The following COL24A1 variants were observed in gnomAD, a reference collection of about 807,000 sequenced individuals.
COL24A1 encodes the protein collagen alpha-1(XXIV) chain.
In COL24A1, 224 loss-of-function variants were observed where a neutral mutation model predicts 253.9. The ratio of observed to expected loss-of-function variants is 0.88; its 90% confidence interval spans 0.79 to 0.99. The LOEUF (loss-of-function observed/expected upper bound fraction) is 0.99, where lower values mean the gene tolerates loss of function less well. Ranked by LOEUF, COL24A1 falls within the 50% of genes least tolerant of loss-of-function variation. The probability of loss-of-function intolerance (pLI) is 0.00; values close to 1 mark genes in which losing one functional copy is unlikely to be tolerated. For missense variants in COL24A1, 2,131 were observed against 2,068.5 expected (o/e 1.03, Z -0.59); for synonymous variants, 685 against 673.7 (o/e 1.02, Z -0.26).
chr1:86,092,134 A>G, intron 6 of COL24A1, 133 bp downstream of exon 6: 2 of 661,628 alleles, frequency 3.0e-6, no homozygotes. Context: ...TTCTTCCTTC[A>G]TTAAAATCCA....
intron 43 of COL24A1, among the ~76,000 whole-genome samples, chr1:85,836,895 C>G (rs764031061): frequency 6.6e-6 from 1 of 152,218 alleles, no homozygotes; most frequent in Non-Finnish European, 1.5e-5. Flanking sequence ...CAGGGCTTTT[C>G]TTTGGCTAGC....
In COL24A1 at chr1:85,874,600, C is replaced by G. The variant is rs1680919005; in HGVS notation, c.3138+49G>C. The stretch of plus-strand genomic sequence containing the variant: ...GTTTCGAATAATAAGTTTTGAGCCT[C>G]TGAAAGAAGTGGGTTAGTGTATTAA... On this transcript the variant is annotated intron_variant, in intron 35 of 59. Transcript: ENST00000370571. 2.6e-6 allele frequency: 4 copies of G among 1,539,578 alleles called. No individual in the cohort carries two copies. In the East Asian group the frequency reaches 9.0e-5, roughly 35 times the overall value.
At chr1:85,890,120 T>C (rs1422866901) in intron 31 of COL24A1, among the ~76,000 whole-genome samples, 1 of 152,210 alleles carries the variant, frequency 6.6e-6, no homozygotes, top group Admixed American at 6.5e-5. Flanking sequence ...TGTATGCATA[T>C]TCCACATTTT....
At chr1:85,934,432 T>C (rs1481555950) in intron 24 of COL24A1, among the ~76,000 whole-genome samples, 1 of 152,230 alleles carries the variant, frequency 6.6e-6, no homozygotes, top group Non-Finnish European at 1.5e-5. Context: ...GTTTCTTGCA[T>C]GTATTTTTAA....
At chr1:85,760,071 T>G (rs11161670) in intron 55 of COL24A1, among the ~76,000 whole-genome samples, 135,750 of 149,818 alleles carry the variant, frequency 0.91, 62,158 homozygotes, top group Non-Finnish European at 0.97. Flanking sequence ...TTTTTTTTTT[T>G]TTTGTTTGTT....
At chr1:86,012,521 G>A (rs983661822) in intron 19 of COL24A1, among the ~76,000 whole-genome samples, 11 of 152,120 alleles carry the variant, frequency 7.2e-5, no homozygotes, top group South Asian at 6.2e-4. Flanking sequence ...CCCAGGAGGC[G>A]GAGGTTGCAG....
At chr1:85,945,091 C>CACTG (rs1212920503) in intron 24 of COL24A1, among the ~76,000 whole-genome samples, 27 of 129,640 alleles carry the variant, frequency 2.1e-4, no homozygotes, top group Non-Finnish European at 3.9e-4. Flanking sequence ...AATCTCGGCT[C>CACTG]ACTGCAACCT....
chr1:85,800,762 C>T (rs1382333290), intron 47 of COL24A1, among the ~76,000 whole-genome samples: 1 of 152,180 alleles, frequency 6.6e-6, no homozygotes, highest in Non-Finnish European at 1.5e-5. Flanking sequence ...CTGTGTATCA[C>T]TAAATCCCCA....
rs114114907 is a variant in COL24A1 at position 85,787,022 on chromosome 1, A to G, written c.3952-561T>C. Among the ~76,000 whole-genome samples the G allele has an allele frequency of 7.2e-3, 1,087 of 151,822 alleles. 9 individuals are homozygous for G. Among genetic ancestry groups the G allele is most frequent in the African/African-American group, 0.026 (1,054 of 41,310 alleles). On this transcript the variant is annotated intron_variant, in intron 47 of 59. Coordinates refer to ENST00000370571, the MANE Select transcript of COL24A1 (RefSeq NM_152890.7). ...TTTGTAGATCTCATGAACTAAGAAC[A>G]GTTTTTACATTTTTAAACATTGAAA...
chr1:86,147,794 G>C (rs948906389), intron 1 of COL24A1, among the ~76,000 whole-genome samples: 1 of 152,222 alleles, frequency 6.6e-6, no homozygotes, highest in African/African-American at 2.4e-5. Context: ...CATCTAAATT[G>C]ATTTTACTTT....
rs775432755 is a variant in COL24A1 at position 85,792,519 on chromosome 1, T to C, written c.3952-6058A>G. On this transcript the variant is annotated intron_variant, in intron 47 of 59. Transcript: ENST00000370571. ...GTCTGGGTGACACAGTGAAACCCCA[T>C]CTCTAAAAAAAAAAAAAAAAAGAAA... Among the ~76,000 whole-genome samples, 300 of 79,124 alleles carry C rather than the reference T, an allele frequency of 3.8e-3. 2 individuals are homozygous for C. The highest frequency in any genetic ancestry group is 6.6e-3 in the Middle Eastern group (1 of 152). The allele number at this position is 79,124 out of a possible 152,430, so 51.9% of individuals were successfully genotyped here.
chr1:85,945,002 GTTTTTT>G (rs1165341082), intron 24 of COL24A1, among the ~76,000 whole-genome samples: 1 of 35,366 alleles, frequency 2.8e-5, no homozygotes, highest in African/African-American at 1.2e-4. Flanking sequence ...CTATCATTGT[GTTTTTT>G]TTTTTTTTTT....
At position 86,125,422 on chromosome 1, in the gene COL24A1, T is replaced by C. The variant is rs200901529; in HGVS notation, c.914A>G (p.Gln305Arg). The C allele has an allele frequency of 4.2e-4, 670 of 1,613,650 alleles. No homozygotes were observed. The highest frequency in any genetic ancestry group is 5.3e-4 in the Admixed American group (32 of 59,888). Residue 305 changes from glutamine (Q) to arginine (R), a missense_variant, in exon 3 of 60, where the codon CAA (glutamine) becomes CGA (arginine). Coordinates refer to ENST00000370571, the MANE Select transcript of COL24A1 (RefSeq NM_152890.7). ...KNDSETVYKR[Q>R]EHQISRSQLS... ...CTGAGATCTTGATATCTGGTGTTCT[T>C]GTCTTTTATACACGGTTTCAGAATC...
chr1:86,117,074 TGAAAAA>T lies in COL24A1; in HGVS notation c.1492-1702_1492-1697del, dbSNP rs567455109. 2.8e-3 allele frequency among the ~76,000 whole-genome samples: 420 copies of T among 152,296 alleles called. 1 individual carries two copies. Among genetic ancestry groups the T allele is most frequent in the African/African-American group, 9.6e-3 (399 of 41,578 alleles). On this transcript the variant is annotated intron_variant, in intron 3 of 59. Coordinates refer to ENST00000370571, the MANE Select transcript of COL24A1 (RefSeq NM_152890.7). ...CCAGTAGGAGAAATCGCAACTAAAA[TGAAAAA>T]GAAAATGAAAAGTTTTCTTTAAAAA...
At chr1:85,943,070 TGGAGAGAA>T (rs1688906209) in intron 24 of COL24A1, among the ~76,000 whole-genome samples, 1 of 152,198 alleles carries the variant, frequency 6.6e-6, no homozygotes, top group African/African-American at 2.4e-5. Flanking sequence ...TCTCAGGGCC[TGGAGAGAA>T]CCAATACAGA....
At chr1:85,813,310 G>A (rs1162186792) in intron 47 of COL24A1, among the ~76,000 whole-genome samples, 1 of 151,636 alleles carries the variant, frequency 6.6e-6, no homozygotes, top group Non-Finnish European at 1.5e-5. Flanking sequence ...GTCAGCCTAA[G>A]AGTAGGTCCA....
At chr1:85,917,580 T>G (rs1686018513) in intron 24 of COL24A1, among the ~76,000 whole-genome samples, 1 of 152,058 alleles carries the variant, frequency 6.6e-6, no homozygotes, top group Non-Finnish European at 1.5e-5. Context: ...TGTGTAATTC[T>G]TTTCCATGTC....
intron 35 of COL24A1, among the ~76,000 whole-genome samples, chr1:85,873,199 G>C (rs892459692): frequency 1.3e-5 from 2 of 152,178 alleles, no homozygotes; most frequent in African/African-American, 4.8e-5. Context: ...ATGCTGGAGA[G>C]GAGGATGTGT....
intron 7 of COL24A1, among the ~76,000 whole-genome samples, chr1:86,076,662 A>G (rs1702273196): frequency 1.3e-5 from 2 of 152,318 alleles, no homozygotes; most frequent in South Asian, 4.1e-4. Context: ...TACAGTAACC[A>G]AAACAGAGGC....
Sources: allele counts gnomAD v4.1 joint callset (sites outside exome capture counted in the v4.1 genomes callset), GRCh38; gene constraint gnomAD v4.1.1; transcripts MANE v1.5; gene names NCBI Gene and HGNC (gene_info 2026-07-23, HGNC 2026-07-21).